The following PWP1 variants were observed in gnomAD, a reference collection of about 807,000 sequenced individuals.
PWP1 encodes the protein PWP1 homolog, endonuclein, also known as periodic tryptophan protein 1 homolog.
In PWP1, 47 loss-of-function variants were observed where a neutral mutation model predicts 69.9. That is an observed-to-expected ratio of 0.67 (90% CI 0.53 to 0.86). PWP1 has a LOEUF of 0.86. Among genes scored for constraint, PWP1 ranks in the 40% least tolerant of loss-of-function variants. PWP1 has a pLI of 0.00. For missense variants in PWP1, 551 were observed against 608.8 expected (o/e 0.91, Z 1.00); for synonymous variants, 222 against 208.2 (o/e 1.07, Z -0.57).
chr12:107,688,476 G>C lies in PWP1; in HGVS notation c.101G>C (p.Arg34Pro), dbSNP rs117231086. 6.2e-7 allele frequency: 1 copy of C among 1,613,982 alleles called. No individual in the cohort carries two copies. Among genetic ancestry groups the C allele is most frequent in the South Asian group, 1.1e-5 (1 of 91,054 alleles). ...KVELSKEEVK[R>P]LIAEAKEKLQ... ...GAGCTGAGTAAAGAAGAAGTAAAAC[G>C]CCTCATTGCTGAGGCAAAGGAGAAA... The change falls in exon 2 of 15, where the codon CGC becomes CCC. Residue 34 changes from arginine to proline, a missense_variant. Physicochemically the swap from Arg to Pro is moderately radical, Grantham distance 103. Transcript: ENST00000412830.
chr12:107,700,385 TTC>T, intron 8 of PWP1, among the ~76,000 whole-genome samples: 1 of 152,292 alleles, frequency 6.6e-6, no homozygotes, highest in African/African-American at 2.4e-5. Flanking sequence ...CCACTCCACT[TTC>T]TGTCTCCATG....
chr12:107,698,009 G>T (rs1405099952), intron 7 of PWP1, among the ~76,000 whole-genome samples: 1 of 152,156 alleles, frequency 6.6e-6, no homozygotes, highest in Non-Finnish European at 1.5e-5. Context: ...AAAATCGTTA[G>T]GTTTTATGAG....
intron 8 of PWP1, among the ~76,000 whole-genome samples, chr12:107,700,998 TG>T (rs1889699658): frequency 6.6e-6 from 1 of 152,196 alleles, no homozygotes; most frequent in South Asian, 2.1e-4. Flanking sequence ...CCAAGTCACT[TG>T]GAGTACAGGG....
chr12:107,687,204 T>C (rs1889387848), intron 1 of PWP1, among the ~76,000 whole-genome samples: 3 of 152,208 alleles, frequency 2.0e-5, no homozygotes, highest in Admixed American at 2.0e-4. Flanking sequence ...AAATTCCACC[T>C]GGGCACAGAC....
At chr12:107,708,007 A>G (rs2136287159) in intron 11 of PWP1, among the ~76,000 whole-genome samples, 1 of 152,302 alleles carries the variant, frequency 6.6e-6, no homozygotes. Flanking sequence ...TGATTCTGAG[A>G]TACTTAATCT....
chr12:107,704,482 C>T (rs531512703), intron 10 of PWP1, among the ~76,000 whole-genome samples, 154 bp from the exon 11 acceptor site: 1 of 152,198 alleles, frequency 6.6e-6, no homozygotes, highest in Non-Finnish European at 1.5e-5. Context: ...ATTACTGAAA[C>T]TCAGCTCATT....
chr12:107,710,282 G>C, intron 13 of PWP1, 123 bp from the exon 14 acceptor site: 1 of 1,433,084 alleles, frequency 7.0e-7, no homozygotes, highest in Non-Finnish European at 9.2e-7. Flanking sequence ...GCTTGAAAGT[G>C]AGAATCATAA....
In PWP1 at chr12:107,712,443, T is replaced by C. The variant is rs1176347515; in HGVS notation, c.*223T>C. 7.6e-6 allele frequency: 3 copies of C among 392,446 alleles called. No homozygotes were observed. The highest frequency in any genetic ancestry group is 9.1e-6 in the Non-Finnish European group (2 of 219,512). 24.3% of individuals were successfully genotyped at this position (392,446 alleles called of 1,614,324 possible). A position where few individuals can be genotyped will look rare whatever the true frequency, so the allele number is the denominator to read the frequency against. On this transcript the variant is annotated 3_prime_UTR_variant, in exon 15 of 15. Coordinates refer to ENST00000412830, the MANE Select transcript of PWP1 (RefSeq NM_007062.3). ...TCTTGTTGCATTTCTTAAAAAAGAG[T>C]AATAAAAAGGATTTTTAAAAAGTAA...
chr12:107,707,766 G>A (rs1889853035), intron 11 of PWP1, among the ~76,000 whole-genome samples: 1 of 152,126 alleles, frequency 6.6e-6, no homozygotes, highest in Admixed American at 6.6e-5. Flanking sequence ...GATCATGGTG[G>A]ATAAGCTTTT....
intron 3 of PWP1, among the ~76,000 whole-genome samples, chr12:107,689,469 G>T (rs954174383): frequency 6.6e-6 from 1 of 152,160 alleles, no homozygotes; most frequent in East Asian, 1.9e-4. Flanking sequence ...AAGAGGCCAG[G>T]TGCACGTGAC....
rs368852868 is a variant in PWP1, at chr12:107,686,782, C to T, written c.72+811C>T. ...GAGATCGAGAGCATCCTGGCTAACA[C>T]GGTGAAACCCCGTCTCTACTAAAAA... is the stretch of plus-strand genomic sequence containing the variant. On this transcript the variant is annotated intron_variant, in intron 1 of 14. Transcript: ENST00000412830. Among the ~76,000 whole-genome samples the T allele has an allele frequency of 4.6e-5, 7 of 151,992 alleles. No homozygotes were observed. The South Asian group carries it at 6.2e-4, about 14-fold the overall frequency.
chr12:107,685,888 G>A lies in PWP1; in HGVS notation c.-12G>A. The A allele has an allele frequency of 3.7e-6, 6 of 1,613,722 alleles. No individual in the cohort carries two copies. Among genetic ancestry groups the A allele is most frequent in the Non-Finnish European group, 5.1e-6 (6 of 1,179,928 alleles). ...CTGGTTTCTAGCGTGACACGCCCTT[G>A]ACTTGAGGACCATGAACCGCAGCCG... On this transcript the variant is annotated 5_prime_UTR_variant, in exon 1 of 15. Transcript: ENST00000412830.
chr12:107,705,971 C>T (rs546226306), intron 11 of PWP1, among the ~76,000 whole-genome samples: 1 of 152,282 alleles, frequency 6.6e-6, no homozygotes, highest in East Asian at 1.9e-4. Flanking sequence ...GAGGAATTGC[C>T]ATACTGTCTT....
At chr12:107,705,642 A>T (rs1459819287) in intron 11 of PWP1, among the ~76,000 whole-genome samples, 3 of 151,212 alleles carry the variant, frequency 2.0e-5, no homozygotes, top group Non-Finnish European at 4.4e-5. Flanking sequence ...TCCTTGCGAT[A>T]GATAGTTTTC....
intron 8 of PWP1, among the ~76,000 whole-genome samples, chr12:107,702,220 G>A (rs1055706534): frequency 3.3e-5 from 5 of 150,662 alleles, no homozygotes; most frequent in Admixed American, 6.7e-5. Flanking sequence ...TAGGTTCCTT[G>A]CATTTTTAGA....
intron 3 of PWP1, among the ~76,000 whole-genome samples, chr12:107,690,619 C>A (rs1255070671): frequency 6.6e-6 from 1 of 152,120 alleles, no homozygotes. Flanking sequence ...CATGCCACCA[C>A]GCCCAGCTAA....
intron 5 of PWP1, among the ~76,000 whole-genome samples, chr12:107,693,863 G>A (rs1365201963): frequency 6.6e-6 from 1 of 151,960 alleles, no homozygotes; most frequent in South Asian, 2.1e-4. Flanking sequence ...TTTTTCTCAT[G>A]TTTTTTAAAT....
At chr12:107,689,148 C>T (rs905580011) in intron 3 of PWP1, among the ~76,000 whole-genome samples, 7 of 152,302 alleles carry the variant, frequency 4.6e-5, no homozygotes, top group African/African-American at 1.4e-4. Context: ...AGTCAGTCTT[C>T]TCACAATACA....
At position 107,712,448 on chromosome 12, in the gene PWP1, A is replaced by G; in HGVS notation, c.*228A>G. 2.6e-6 allele frequency: 1 copy of G among 380,338 alleles called. No individual in the cohort carries two copies. Among genetic ancestry groups the G allele is most frequent in the Non-Finnish European group, 4.7e-6 (1 of 211,812 alleles). The allele number at this position is 380,338 out of a possible 1,614,324, so 23.6% of individuals were successfully genotyped here. On this transcript the variant is annotated 3_prime_UTR_variant, in exon 15 of 15. Transcript: ENST00000412830. ...TTGCATTTCTTAAAAAAGAGTAATA[A>G]AAAGGATTTTTAAAAAGTAATTCCT...
Sources: gnomAD v4.1 joint callset for allele counts (sites outside exome capture counted in the v4.1 genomes callset) on GRCh38, gnomAD v4.1.1 for gene constraint, MANE v1.5 for transcripts, NCBI Gene and HGNC (gene_info 2026-07-23, HGNC 2026-07-21) for gene names.